ESRRB: variants seen among roughly 807,000 people sequenced by gnomAD.
ESRRB encodes the protein steroid hormone receptor ERR2.
A neutral mutation model predicts 46.0 loss-of-function variants in ESRRB; 16 were observed. The ratio of observed to expected loss-of-function variants is 0.35; its 90% confidence interval spans 0.24 to 0.53. The LOEUF is 0.53. Ranked by LOEUF, ESRRB falls within the 20% of genes least tolerant of loss-of-function variation. The pLI is 0.93. For synonymous variants in ESRRB, 246 were observed against 259.6 expected (o/e 0.95, Z 0.50); for missense variants, 488 against 607.4 (o/e 0.80, Z 2.07).
In ESRRB at chr14:76,483,040, C is replaced by T. The variant is rs561636865; in HGVS notation, c.850+281C>T. Among the ~76,000 whole-genome samples the T allele has an allele frequency of 9.2e-5, 14 of 152,300 alleles. No individual in the cohort carries two copies. The South Asian group carries it at 2.9e-3, about 32-fold the overall frequency. ...TTGGATCTACAATCAGTGTAATATT[C>T]AAAGAACAAGTTCCTTGAGCCCTTA... On this transcript the variant is annotated intron_variant, in intron 5 of 6. Coordinates refer to ENST00000644823, the MANE Select transcript of ESRRB (RefSeq NM_001379180.1).
At chr14:76,404,491 G>A (rs989700074) in intron 1 of ESRRB, 1 of 152,310 alleles carries the variant, frequency 6.6e-6, no homozygotes, top group African/African-American at 2.4e-5. Context: ...TGAATGAATG[G>A]CCAGACCATG....
chr14:76,406,643 G>A (rs576414260), intron 1 of ESRRB, among the ~76,000 whole-genome samples: 1 of 152,298 alleles, frequency 6.6e-6, no homozygotes, highest in East Asian at 1.9e-4. Flanking sequence ...TACTTGGGAG[G>A]CTGAAGCAGG....
chr14:76,381,666 C>T (rs538349976), intron 1 of ESRRB, among the ~76,000 whole-genome samples: 32 of 152,266 alleles, frequency 2.1e-4, no homozygotes, highest in African/African-American at 7.7e-4. Context: ...CTCCTGGGCT[C>T]AGCGGGCAGT....
At chr14:76,352,766 G>A (rs974477234) in intron 1 of ESRRB, among the ~76,000 whole-genome samples, 1 of 152,234 alleles carries the variant, frequency 6.6e-6, no homozygotes, top group Non-Finnish European at 1.5e-5. Context: ...CTCGGCCCCG[G>A]TTGCTCTGAG....
intron 1 of ESRRB, among the ~76,000 whole-genome samples, chr14:76,383,190 T>G (rs148211354): frequency 0.017 from 2,520 of 152,336 alleles, 62 homozygotes; most frequent in African/African-American, 0.057. Context: ...AATTCAATCT[T>G]TTCTATCAAG....
At chr14:76,315,055 C>T (rs1317587179) in intron 1 of ESRRB, among the ~76,000 whole-genome samples, 1 of 151,982 alleles carries the variant, frequency 6.6e-6, no homozygotes, top group Admixed American at 6.6e-5. Context: ...AACTTTTTTT[C>T]TACAGCATCC....
rs1890527606 is a variant in ESRRB at position 76,498,575 on chromosome 14, C to T, written c.*117C>T. 3.2e-6 allele frequency: 5 copies of T among 1,584,138 alleles called. No individual in the cohort carries two copies. The South Asian group carries it at 4.6e-5, about 15-fold the overall frequency. ...CCCCTGTATCATGGCTCTGAGCTGT[C>T]CCAGAGGCGGGGGTTTCTCACCTCC... On this transcript the variant is annotated 3_prime_UTR_variant, in exon 7 of 7. Coordinates refer to ENST00000644823, the MANE Select transcript of ESRRB (RefSeq NM_001379180.1).
intron 1 of ESRRB, among the ~76,000 whole-genome samples, chr14:76,423,304 T>C (rs1465920827): frequency 6.6e-6 from 1 of 151,940 alleles, no homozygotes; most frequent in Non-Finnish European, 1.5e-5. Flanking sequence ...CCACCACACC[T>C]GGCTAATTTT....
At chr14:76,348,796 G>A (rs569509987) in intron 1 of ESRRB, among the ~76,000 whole-genome samples, 27 of 152,268 alleles carry the variant, frequency 1.8e-4, no homozygotes, top group Non-Finnish European at 2.5e-4. Flanking sequence ...GGGACACTGC[G>A]CATAGTTACT....
At chr14:76,341,058 C>T (rs1324386529) in intron 1 of ESRRB, among the ~76,000 whole-genome samples, 4 of 152,130 alleles carry the variant, frequency 2.6e-5, no homozygotes, top group East Asian at 1.9e-4. Flanking sequence ...GAAGGTGGGT[C>T]GAGACAGGGT....
chr14:76,387,076 G>A (rs1885262036), intron 1 of ESRRB, among the ~76,000 whole-genome samples: 3 of 152,186 alleles, frequency 2.0e-5, no homozygotes, highest in African/African-American at 7.2e-5. Context: ...ACAGGAGGCT[G>A]ACCCTTGTGA....
At chr14:76,484,285 T>G (rs988874029) in intron 5 of ESRRB, among the ~76,000 whole-genome samples, 3 of 152,226 alleles carry the variant, frequency 2.0e-5, no homozygotes, top group Non-Finnish European at 4.4e-5. Flanking sequence ...GAGGCTCTGC[T>G]GGCAGGGACT....
chr14:76,357,922 G>A (rs755467565), intron 1 of ESRRB, among the ~76,000 whole-genome samples: 1 of 152,178 alleles, frequency 6.6e-6, no homozygotes, highest in African/African-American at 2.4e-5. Flanking sequence ...AGAAGGGAAT[G>A]AGCAACACTG....
At chr14:76,460,328 G>A (rs1273158928) in intron 2 of ESRRB, among the ~76,000 whole-genome samples, 2 of 152,196 alleles carry the variant, frequency 1.3e-5, no homozygotes, top group African/African-American at 4.8e-5. Flanking sequence ...AGATCTGTGT[G>A]GCCTTGGGTA....
chr14:76,430,171 T>C (rs1242728814), intron 1 of ESRRB, among the ~76,000 whole-genome samples: 1 of 152,204 alleles, frequency 6.6e-6, no homozygotes, highest in Non-Finnish European at 1.5e-5. Flanking sequence ...TTAATACTAT[T>C]TTAAAGGAAA....
At chr14:76,348,607 G>A (rs1316653658) in intron 1 of ESRRB, among the ~76,000 whole-genome samples, 2 of 152,174 alleles carry the variant, frequency 1.3e-5, no homozygotes, top group Non-Finnish European at 2.9e-5. Context: ...TCCATAAAAT[G>A]GGACTGAGAA....
chr14:76,457,387 C>G (rs1888658153), intron 2 of ESRRB, among the ~76,000 whole-genome samples: 1 of 152,108 alleles, frequency 6.6e-6, no homozygotes, highest in Non-Finnish European at 1.5e-5. Context: ...CTTGTCCAAC[C>G]TGTGGCCCAG....
intron 1 of ESRRB, among the ~76,000 whole-genome samples, chr14:76,429,031 G>A (rs1887319172): frequency 6.6e-6 from 1 of 152,126 alleles, no homozygotes; most frequent in Admixed American, 6.5e-5. Flanking sequence ...GGGAGAAAGA[G>A]AAAGAAATCA....
intron 3 of ESRRB, among the ~76,000 whole-genome samples, chr14:76,479,713 T>C (rs1889731085): frequency 6.6e-6 from 1 of 152,244 alleles, no homozygotes; most frequent in Admixed American, 6.5e-5. Flanking sequence ...TCCTTGTGCC[T>C]CCGTTTGATG....
Sources: allele counts gnomAD v4.1 joint callset (sites outside exome capture counted in the v4.1 genomes callset), GRCh38; gene constraint gnomAD v4.1.1; transcripts MANE v1.5; gene names NCBI Gene and HGNC (gene_info 2026-07-23, HGNC 2026-07-21).